The following MRPS18A variants were observed in gnomAD, a reference collection of about 807,000 sequenced individuals.
The protein encoded by MRPS18A is large ribosomal subunit protein mL66.
A neutral mutation model predicts 22.7 loss-of-function variants in MRPS18A; 20 were observed. That is an observed-to-expected ratio of 0.88 (90% CI 0.62 to 1.28). The LOEUF is 1.28. MRPS18A is among the 50% of genes most tolerant of loss of function. The probability of loss-of-function intolerance (pLI) is 0.00; values close to 1 mark genes in which losing one functional copy is unlikely to be tolerated. For synonymous variants in MRPS18A, 106 were observed against 99.1 expected, an observed-to-expected ratio of 1.07 and a Z score of -0.41; for missense variants, 294 against 262.6, an observed-to-expected ratio of 1.12 and a Z score of -0.83.
In MRPS18A at chr6:43,683,891, C is replaced by T. The variant is rs117284557; in HGVS notation, c.113-2771G>A. Among the ~76,000 whole-genome samples the T allele has an allele frequency of 3.9e-4, 60 of 152,190 alleles. No homozygotes were observed. In the East Asian group the frequency reaches 0.01, roughly 26 times the overall value. ...CTTGACTATAATAAAGTCCATGCCTCGTAAAGAGGTCCTTTGAGTACTTCA... is the reference window on the plus strand; with the variant it reads ...CTTGACTATAATAAAGTCCATGCCTTGTAAAGAGGTCCTTTGAGTACTTCA... On this transcript the variant is annotated intron_variant, in intron 1 of 5. Coordinates refer to ENST00000372133, the MANE Select transcript of MRPS18A (RefSeq NM_018135.4).
chr6:43,687,624 C>A (rs1774789775), intron 1 of MRPS18A, 44 bp downstream of exon 1: 1 of 1,461,602 alleles, frequency 6.8e-7, no homozygotes, highest in African/African-American at 1.4e-5. Flanking sequence ...GCAGTCTCTG[C>A]CGCTCTTCTT....
At chr6:43,672,536 A>G (rs1773796529) in intron 5 of MRPS18A, 2 of 429,248 alleles carry the variant, frequency 4.7e-6, no homozygotes, top group Non-Finnish European at 9.8e-6. Flanking sequence ...AGTTCCCAGA[A>G]AAGTGGCTCA....
rs149209493 is a variant in MRPS18A at position 43,687,767 on chromosome 6, T to C, written c.13A>G (p.Lys5Glu). ...CGCCCACAGCCGGACACCAGAGCCT[T>C]GAGGGCCGCCATCTTCAAAAACCTA... is the stretch of plus-strand genomic sequence containing the variant. MAAL[K>E]ALVSGCGRLL... Residue 5 changes from lysine (K) to glutamate (E), a missense_variant, in exon 1 of 6, where the codon AAG (lysine) becomes GAG (glutamate). Transcript: ENST00000372133. 3.8e-6 allele frequency: 6 copies of C among 1,576,730 alleles called. No individual in the cohort carries two copies. The highest frequency in any genetic ancestry group is 1.9e-5 in the Admixed American group (1 of 53,458).
chr6:43,684,715 C>CT (rs1158581672), intron 1 of MRPS18A, among the ~76,000 whole-genome samples: 1 of 152,194 alleles, frequency 6.6e-6, no homozygotes, highest in Non-Finnish European at 1.5e-5. Flanking sequence ...CAGGCATACC[C>CT]TTGTCTGAAA....
chr6:43,676,355 T>C (rs1294206278), intron 3 of MRPS18A, among the ~76,000 whole-genome samples: 1 of 152,000 alleles, frequency 6.6e-6, no homozygotes, highest in Non-Finnish European at 1.5e-5. Flanking sequence ...CCAGAGTATA[T>C]GCAAACAGCC....
chr6:43,682,058 T>C (rs988604634), intron 1 of MRPS18A, among the ~76,000 whole-genome samples: 4 of 152,132 alleles, frequency 2.6e-5, no homozygotes, highest in African/African-American at 7.2e-5. Context: ...TCCCAGCACT[T>C]TGGGAGGCTG....
At chr6:43,672,125 G>A (rs867982037) in intron 5 of MRPS18A, 1 of 607,204 alleles carries the variant, frequency 1.6e-6, no homozygotes, top group Admixed American at 3.0e-5. Flanking sequence ...GTGTGGCCAG[G>A]TTCAGGCAGC....
intron 4 of MRPS18A, 101 bp downstream of exon 4, chr6:43,675,393 G>C: frequency 6.2e-7 from 1 of 1,602,528 alleles, no homozygotes; most frequent in Non-Finnish European, 8.5e-7. Context: ...TAACACTCCG[G>C]ATATCCACTT....
intron 5 of MRPS18A, among the ~76,000 whole-genome samples, chr6:43,674,967 T>G (rs1773969601): frequency 6.6e-6 from 1 of 152,214 alleles, no homozygotes; most frequent in South Asian, 2.1e-4. Flanking sequence ...GATTAGCACA[T>G]TCTAATGCCC....
At position 43,673,170 on chromosome 6, in the gene MRPS18A, T is replaced by C. The variant is rs1464418711; in HGVS notation, c.447-1264A>G. On this transcript the variant is annotated intron_variant, in intron 5 of 5. Coordinates refer to ENST00000372133, the MANE Select transcript of MRPS18A (RefSeq NM_018135.4). This position sits in a 1 kb window ranked among gnomAD's most constrained non-coding sequence, Gnocchi z 4.2. ...GCATGGCTAATTTTTGTATTTTTAG[T>C]AGAGACGTGGTTTCCTCATGTTGGC... Among the ~76,000 whole-genome samples the C allele has an allele frequency of 6.6e-6, 1 of 152,112 alleles. No individual in the cohort carries two copies. The highest frequency in any genetic ancestry group is 1.5e-5 in the Non-Finnish European group (1 of 68,020).
rs2127938021 is a variant in MRPS18A at position 43,671,806 on chromosome 6, C to T, written c.547G>A (p.Asp183Asn). The stretch of plus-strand genomic sequence containing the variant: ...GGTGTTCTTGAGTAGCAGACATTGT[C>T]CCTCAGAAGGGGTGACCCCACGGGC... ...RMPVGSPLLR[D>N]NVCYSRTPWK... The change falls in exon 6 of 6, where the codon GAC (aspartate) becomes AAC (asparagine). Residue 183 changes from aspartate to asparagine, a missense_variant. Physicochemically the swap from Asp to Asn is conservative, Grantham distance 23 (BLOSUM62 1). Transcript: ENST00000372133. The T allele has an allele frequency of 6.2e-7, 1 of 1,614,226 alleles. No individual in the cohort carries two copies. The highest frequency in any genetic ancestry group is 1.3e-5 in the African/African-American group (1 of 75,062).
intron 4 of MRPS18A, 24 bp downstream of exon 4, chr6:43,675,470 C>A (rs371926018): frequency 6.2e-7 from 1 of 1,614,152 alleles, no homozygotes. Context: ...CCCTCTGCCC[C>A]TCTTGGTCCC....
intron 3 of MRPS18A, 189 bp downstream of exon 3, chr6:43,678,329 T>C (rs1774175612): frequency 5.9e-6 from 3 of 510,854 alleles, no homozygotes; most frequent in Non-Finnish European, 1.1e-5. Context: ...TGCATCATTA[T>C]TTTTTAAAAG....
In MRPS18A at chr6:43,687,698, A is replaced by T; in HGVS notation, c.82T>A (p.Ser28Thr). 3 of 1,582,698 alleles carry T rather than the reference A, an allele frequency of 1.9e-6. No homozygotes were observed. Among genetic ancestry groups the T allele is most frequent in the Non-Finnish European group, 2.6e-6 (3 of 1,164,500 alleles). ...LLAGPAATSW[S>T]RLPARGFREV... ...CTGAACCCGCGAGCTGGAAGCCGAG[A>T]CCAGCTGGTCGCTGCCGGGCCCGCT... Residue 28 changes from serine (S) to threonine (T), a missense_variant, in exon 1 of 6, where the codon TCT becomes ACT. Ser to Thr is a moderately conservative substitution (Grantham distance 58). Transcript: ENST00000372133.
At chr6:43,672,786 C>A (rs903875082) in intron 5 of MRPS18A, among the ~76,000 whole-genome samples, 1 of 152,138 alleles carries the variant, frequency 6.6e-6, no homozygotes, top group Non-Finnish European at 1.5e-5. Context: ...AAAATGATTG[C>A]TGATTTATGC....
rs1360382414 is a variant in MRPS18A, at chr6:43,684,293, GT to G, written c.113-3174del. 2.0e-5 allele frequency among the ~76,000 whole-genome samples: 3 copies of G among 152,110 alleles called. No homozygotes were observed. The East Asian group carries it at 5.8e-4, about 29-fold the overall frequency. On this transcript the variant is annotated intron_variant, in intron 1 of 5. Transcript: ENST00000372133. ...CCAAGGTCCCTCTTGGAGAGGATCT[GT>G]AAAAACCAGGGCCCAAGCAGAGTAG... is the stretch of plus-strand genomic sequence containing the variant.
chr6:43,681,235 C>G (rs1229120520), intron 1 of MRPS18A, 115 bp from the exon 2 acceptor site: 1 of 1,033,996 alleles, frequency 9.7e-7, no homozygotes, highest in Non-Finnish European at 1.4e-6. Context: ...TCTGTACTCT[C>G]TCATGGTCTC....
intron 2 of MRPS18A, among the ~76,000 whole-genome samples, chr6:43,680,055 CCT>C (rs893843354): frequency 8.5e-5 from 13 of 152,188 alleles, no homozygotes; most frequent in African/African-American, 1.4e-4. Flanking sequence ...TCTTCCCTCC[CCT>C]GAGGGCTCTC....
intron 1 of MRPS18A, among the ~76,000 whole-genome samples, chr6:43,684,259 G>A (rs1383739726): frequency 6.6e-6 from 1 of 152,046 alleles, no homozygotes. Flanking sequence ...CTGCTGAAGT[G>A]CCCAGAGACC....
Sources: gnomAD v4.1 joint callset for allele counts (sites outside exome capture counted in the v4.1 genomes callset) on GRCh38, gnomAD v4.1.1 for gene constraint, Gnocchi (gnomAD v3.1) non-coding constraint, MANE v1.5 for transcripts, NCBI Gene and HGNC (gene_info 2026-07-23, HGNC 2026-07-21) for gene names.